The following GNG12 variants were observed in gnomAD, a reference collection of about 807,000 sequenced individuals.
The protein encoded by GNG12 is guanine nucleotide-binding protein G(I)/G(S)/G(O) subunit gamma-12.
For synonymous variants in GNG12, 28 were observed against 29.7 expected, an observed-to-expected ratio of 0.94 and a Z score of 0.19; for missense variants, 69 against 83.8, an observed-to-expected ratio of 0.82 and a Z score of 0.69.
intron 2 of GNG12, among the ~76,000 whole-genome samples, chr1:67,760,610 C>T (rs1208773384): frequency 6.6e-6 from 1 of 152,146 alleles, no homozygotes; most frequent in East Asian, 1.9e-4. Context: ...TGCCTAAAGT[C>T]AAAGCTAATG....
At chr1:67,798,717 T>C (rs1485214441) in intron 1 of GNG12, among the ~76,000 whole-genome samples, 1 of 152,026 alleles carries the variant, frequency 6.6e-6, no homozygotes, top group Non-Finnish European at 1.5e-5. Context: ...GCACTTCGGT[T>C]GGCTGAGGTG....
At chr1:67,809,372 G>A (rs1477680715) in intron 1 of GNG12, among the ~76,000 whole-genome samples, 3 of 151,980 alleles carry the variant, frequency 2.0e-5, no homozygotes, top group African/African-American at 7.3e-5. Flanking sequence ...GATGACCAAG[G>A]GTATGGCAAT....
chr1:67,710,983 C>A (rs1646292035), intron 2 of GNG12, among the ~76,000 whole-genome samples: 2 of 152,230 alleles, frequency 1.3e-5, no homozygotes, highest in Non-Finnish European at 2.9e-5. Context: ...ACAACCCCTT[C>A]TGCTTCAGGC....
intron 2 of GNG12, among the ~76,000 whole-genome samples, chr1:67,751,790 G>T (rs969209735): frequency 3.3e-5 from 5 of 152,166 alleles, no homozygotes; most frequent in Admixed American, 6.5e-5. Context: ...TGCTCTAGAA[G>T]AGTCAAACCC....
chr1:67,813,180 C>T lies in GNG12; in HGVS notation c.-77+20164G>A, dbSNP rs551187464. Among the ~76,000 whole-genome samples the T allele has an allele frequency of 1.1e-3, 162 of 145,364 alleles. 1 individual carries two copies. The highest frequency in any genetic ancestry group is 3.9e-3 in the African/African-American group (153 of 39,426). The stretch of plus-strand genomic sequence containing the variant: ...AGAACATGCTCTTGGACTTATTTCC[C>T]GTAGAAATGCAGTTGCTGAATACGA... On this transcript the variant is annotated intron_variant, in intron 1 of 3. Coordinates refer to ENST00000370982, the MANE Select transcript of GNG12 (RefSeq NM_018841.6).
At chr1:67,739,437 T>C (rs183197023) in intron 2 of GNG12, among the ~76,000 whole-genome samples, 218 of 152,308 alleles carry the variant, frequency 1.4e-3, no homozygotes, top group Non-Finnish European at 2.7e-3. Flanking sequence ...ATTGAACGCC[T>C]ACTATGTGGT....
chr1:67,833,128 C>G (rs150690036), intron 1 of GNG12, among the ~76,000 whole-genome samples: 1 of 150,952 alleles, frequency 6.6e-6, no homozygotes, highest in East Asian at 2.0e-4. Context: ...TCCTCCCCCT[C>G]CCCCCGGTCT....
chr1:67,759,519 T>G (rs1270850325), intron 2 of GNG12, among the ~76,000 whole-genome samples: 1 of 152,232 alleles, frequency 6.6e-6, no homozygotes, highest in East Asian at 1.9e-4. Flanking sequence ...GTAATTATTA[T>G]AATCTTGGTG....
At chr1:67,728,593 G>A (rs2815264) in intron 2 of GNG12, among the ~76,000 whole-genome samples, 105,067 of 151,910 alleles carry the variant, frequency 0.69, 36,395 homozygotes, top group Admixed American at 0.71. Flanking sequence ...CTTAGAGGTG[G>A]CACAACAGCT....
chr1:67,722,364 G>C (rs1348987285), intron 2 of GNG12, among the ~76,000 whole-genome samples: 1 of 152,162 alleles, frequency 6.6e-6, no homozygotes, highest in East Asian at 1.9e-4. Flanking sequence ...CGCCAGCTGG[G>C]GCTGGGCTTC....
At position 67,717,063 on chromosome 1, in the gene GNG12, T is replaced by G. The variant is rs116768675; in HGVS notation, c.-26-9351A>C. Reference sequence around the variant, plus strand: ...ACTTGTTTAAGAAAGTCTGATTCAGTAGGGCTGGAGAAGGGCCCACAGATC... The same window carrying G: ...ACTTGTTTAAGAAAGTCTGATTCAGGAGGGCTGGAGAAGGGCCCACAGATC... On this transcript the variant is annotated intron_variant, in intron 2 of 3. Coordinates refer to ENST00000370982, the MANE Select transcript of GNG12 (RefSeq NM_018841.6). 7.8e-3 allele frequency among the ~76,000 whole-genome samples: 1,184 copies of G among 152,216 alleles called. 7 individuals carry two copies. The highest frequency in any genetic ancestry group is 0.034 in the Middle Eastern group (10 of 294).
chr1:67,773,914 A>AC (rs1358137396), intron 2 of GNG12, among the ~76,000 whole-genome samples: 3 of 152,168 alleles, frequency 2.0e-5, no homozygotes, highest in Non-Finnish European at 4.4e-5. Flanking sequence ...TGAAACAATT[A>AC]CATTTCATCC....
chr1:67,766,956 G>A (rs1646644058), intron 2 of GNG12, among the ~76,000 whole-genome samples: 1 of 152,208 alleles, frequency 6.6e-6, no homozygotes, highest in Admixed American at 6.5e-5. Flanking sequence ...TCAAATGTGA[G>A]TTTTAGCACC....
At chr1:67,809,439 T>C (rs1286124672) in intron 1 of GNG12, among the ~76,000 whole-genome samples, 1 of 152,166 alleles carries the variant, frequency 6.6e-6, no homozygotes, top group African/African-American at 2.4e-5. Flanking sequence ...TAAGCTACAC[T>C]TCATTAAAAT....
At chr1:67,764,543 G>C (rs1210244878) in intron 2 of GNG12, among the ~76,000 whole-genome samples, 1 of 152,118 alleles carries the variant, frequency 6.6e-6, no homozygotes, top group East Asian at 1.9e-4. Flanking sequence ...ATACCATCCT[G>C]ATGTTGCTCA....
chr1:67,830,386 C>T lies in GNG12; in HGVS notation c.-77+2958G>A, dbSNP rs544436410. ...GAGTAGATTTCCTGAATTAACTGAA[C>T]ACCCAATCTCATGAAAGTTTACAAA... On this transcript the variant is annotated intron_variant, in intron 1 of 3. Transcript: ENST00000370982. 2.4e-4 allele frequency among the ~76,000 whole-genome samples: 36 copies of T among 152,308 alleles called. 1 individual carries two copies. In the South Asian group the frequency reaches 5.6e-3, roughly 24 times the overall value.
chr1:67,768,908 T>C (rs768917804), intron 2 of GNG12, among the ~76,000 whole-genome samples: 1 of 152,182 alleles, frequency 6.6e-6, no homozygotes, highest in Non-Finnish European at 1.5e-5. Flanking sequence ...CAAGAGAATA[T>C]AGATGAACAG....
intron 2 of GNG12, chr1:67,777,064 C>T (rs774957670): frequency 6.6e-6 from 1 of 152,060 alleles, no homozygotes; most frequent in Non-Finnish European, 1.5e-5. Flanking sequence ...AGTAGAGCCC[C>T]AGTATGTTTT....
chr1:67,719,390 TG>T (rs1557595411), intron 2 of GNG12, among the ~76,000 whole-genome samples: 1 of 152,212 alleles, frequency 6.6e-6, no homozygotes, highest in Non-Finnish European at 1.5e-5. Flanking sequence ...GGGTCATGAA[TG>T]CAAAAGGTGG....
Sources: allele counts gnomAD v4.1 joint callset (sites outside exome capture counted in the v4.1 genomes callset), GRCh38; gene constraint gnomAD v4.1.1; transcripts MANE v1.5; gene names NCBI Gene and HGNC (gene_info 2026-07-23, HGNC 2026-07-21).